IRAG1: variants seen among roughly 807,000 people sequenced by gnomAD.
IRAG1 encodes inositol 1,4,5-triphosphate receptor associated 1, also known as IP3R-associated cGMP kinase substrate.
A neutral mutation model predicts 106.2 loss-of-function variants in IRAG1; 62 were observed. The observed-to-expected ratio is 0.58, with a 90% confidence interval of 0.48 to 0.72. The LOEUF (loss-of-function observed/expected upper bound fraction) is 0.72, where lower values mean the gene tolerates loss of function less well. Among genes scored for constraint, IRAG1 ranks in the 30% least tolerant of loss-of-function variants. IRAG1 has a pLI of 0.00. For missense variants in IRAG1, 1,064 were observed against 1,140.7 expected, an observed-to-expected ratio of 0.93 and a Z score of 0.97; for synonymous variants, 462 against 443.9, an observed-to-expected ratio of 1.04 and a Z score of -0.51.
At position 10,665,689 on chromosome 11, in the gene IRAG1, C is replaced by CA. The variant is rs1372463069; in HGVS notation, c.68-13508_68-13507insT. On this transcript the variant is annotated intron_variant, in intron 1 of 20. Transcript: ENST00000423302. The surrounding 1 kb of genome is among the most constrained non-coding windows in gnomAD (Gnocchi z 4.2). ...AGCACCAGAGTTTAGGGTGGAGACT[C>CA]CCATGTGCAGGACAGGAAGGAAGCT... Among the ~76,000 whole-genome samples, 3 of 152,114 alleles carry CA rather than the reference C, an allele frequency of 2.0e-5. No individual in the cohort carries two copies. The highest frequency in any genetic ancestry group is 7.2e-5 in the African/African-American group (3 of 41,404).
intron 1 of IRAG1, among the ~76,000 whole-genome samples, chr11:10,655,746 C>T (rs575009022): frequency 6.6e-6 from 1 of 152,326 alleles, no homozygotes; most frequent in African/African-American, 2.4e-5. Flanking sequence ...AGAAATACCT[C>T]ATTTTTTAAC....
At chr11:10,693,498 G>A (rs1260357169) in intron 1 of IRAG1, 38 bp downstream of exon 1, 23 of 1,534,958 alleles carry the variant, frequency 1.5e-5, no homozygotes, top group South Asian at 3.6e-5. Flanking sequence ...CTTCCCAGCC[G>A]AAGAGGCAGG....
Position 10,575,745 on chromosome 11 carries a change from C to CTTTT in IRAG1, c.*583_*586dup, listed in dbSNP as rs67434222. Reference sequence around the variant, plus strand: ...AGCACTGAGCTAAATTCAGCCTATACTTTTTTTTTTTTTTCTGAGAAGCCT... The same window carrying CTTTT: ...AGCACTGAGCTAAATTCAGCCTATACTTTTTTTTTTTTTTTTTTCTGAGAAGCCT... On this transcript the variant is annotated 3_prime_UTR_variant, in exon 21 of 21. Transcript: ENST00000423302. 3 of 131,822 alleles carry CTTTT rather than the reference C, an allele frequency of 2.3e-5. No homozygotes were observed. The highest frequency in any genetic ancestry group is 7.4e-5 in the Admixed American group (1 of 13,482). 8.2% of individuals were successfully genotyped at this position (131,822 alleles called of 1,614,324 possible).
chr11:10,683,227 A>G (rs1861401907), intron 1 of IRAG1, among the ~76,000 whole-genome samples: 1 of 152,152 alleles, frequency 6.6e-6, no homozygotes, highest in African/African-American at 2.4e-5. Context: ...TAGCACCCTC[A>G]TGTATCCATT....
At chr11:10,646,442 T>C (rs572338208) in intron 2 of IRAG1, among the ~76,000 whole-genome samples, 5 of 152,278 alleles carry the variant, frequency 3.3e-5, no homozygotes, top group South Asian at 4.1e-4. Context: ...CAGCCAATTA[T>C]CTACCCAACC....
intron 1 of IRAG1, 166 bp downstream of exon 1, chr11:10,693,370 C>A: frequency 7.6e-7 from 1 of 1,307,416 alleles, no homozygotes; most frequent in Non-Finnish European, 1.0e-6. Context: ...CTTAAGACAG[C>A]AACAATAAAG....
chr11:10,638,578 A>C lies in IRAG1; in HGVS notation c.226-4507T>G, dbSNP rs1158745109. On this transcript the variant is annotated intron_variant, in intron 2 of 20. Coordinates refer to ENST00000423302, the MANE Select transcript of IRAG1 (RefSeq NM_130385.4). ...TCTGACTGTGAAAATTTGAGCTCTG[A>C]AAGTTGCCTTTTTCATGTCTGTCAT... 2.0e-5 allele frequency among the ~76,000 whole-genome samples: 3 copies of C among 152,330 alleles called. No individual in the cohort carries two copies. In the East Asian group the frequency reaches 5.8e-4, roughly 29 times the overall value.
intron 10 of IRAG1, among the ~76,000 whole-genome samples, chr11:10,615,770 C>T (rs1307728658): frequency 9.2e-5 from 14 of 151,612 alleles, no homozygotes; most frequent in Non-Finnish European, 1.9e-4. Context: ...CATCACACAC[C>T]GGGGCCTGTG....
intron 1 of IRAG1, chr11:10,687,928 A>G: frequency 2.5e-6 from 1 of 407,302 alleles, no homozygotes; most frequent in Non-Finnish European, 3.3e-6. Flanking sequence ...TTACAGGTCG[A>G]GCATTCCAAA....
intron 18 of IRAG1, chr11:10,588,962 T>A (rs1318222896): frequency 6.6e-6 from 1 of 152,234 alleles, no homozygotes; most frequent in Non-Finnish European, 1.5e-5. Context: ...TTGTTTTCTC[T>A]TCATCTTCAG....
chr11:10,618,408 T>C (rs906817525), intron 10 of IRAG1, among the ~76,000 whole-genome samples: 2 of 152,214 alleles, frequency 1.3e-5, no homozygotes, highest in Non-Finnish European at 2.9e-5. Flanking sequence ...GTTCATACAT[T>C]TGTTTAATGT....
Position 10,600,971 on chromosome 11 carries a change from A to G in IRAG1, c.1964T>C (p.Met655Thr). ...RTYEKDHAEL[M>T]EFKKLANQNS... ...CTGATTTGCAAGCTTTTTAAACTCC[A>G]TGAGCTCCGCATGGTCCTTCTCATA... Residue 655 changes from methionine to threonine, a missense_variant, in exon 15 of 21, where the codon ATG becomes ACG. Coordinates refer to ENST00000423302, the MANE Select transcript of IRAG1 (RefSeq NM_130385.4). 2 of 1,614,056 alleles carry G rather than the reference A, an allele frequency of 1.2e-6. No homozygotes were observed. The highest frequency in any genetic ancestry group is 1.1e-5 in the South Asian group (1 of 91,084).
At chr11:10,680,540 G>GAAGGGGAAGGAA (rs149163071) in intron 1 of IRAG1, among the ~76,000 whole-genome samples, 1 of 85,728 alleles carries the variant, frequency 1.2e-5, no homozygotes, top group African/African-American at 5.4e-5. Flanking sequence ...AGGAAGGAAG[G>GAAGGGGAAGGAA]GGAAGGGGAA....
intron 1 of IRAG1, 74 bp downstream of exon 1, chr11:10,693,462 C>A: frequency 6.5e-7 from 1 of 1,531,288 alleles, no homozygotes; most frequent in Non-Finnish European, 8.7e-7. Context: ...CACCCTGTAC[C>A]TTTAAGGAAG....
At position 10,622,573 on chromosome 11, in the gene IRAG1, C is replaced by T. The variant is rs556567989; in HGVS notation, c.1447+1205G>A. ...ACCCTAGAGTACAGTGGCACGATCA[C>T]AGTTCACTGCAGCCTTGACCTCCCA... On this transcript the variant is annotated intron_variant, in intron 10 of 20. Transcript: ENST00000423302. Among the ~76,000 whole-genome samples the T allele has an allele frequency of 5.9e-5, 9 of 152,272 alleles. No homozygotes were observed. In the East Asian group the frequency reaches 1.7e-3, roughly 29 times the overall value.
At chr11:10,673,896 C>T (rs968246413) in intron 1 of IRAG1, among the ~76,000 whole-genome samples, 1 of 151,520 alleles carries the variant, frequency 6.6e-6, no homozygotes. Flanking sequence ...AGGATGGGCT[C>T]GTGTGAGGAG....
intron 17 of IRAG1, 51 bp downstream of exon 17, chr11:10,593,441 G>T (rs55676441): frequency 0.013 from 19,304 of 1,527,276 alleles, 175 homozygotes; most frequent in Non-Finnish European, 0.014. Context: ...GAGTACGAAG[G>T]AAAGGTTATT....
chr11:10,642,916 G>A (rs1857625052), intron 2 of IRAG1, among the ~76,000 whole-genome samples: 1 of 151,984 alleles, frequency 6.6e-6, no homozygotes, highest in African/African-American at 2.4e-5. Flanking sequence ...TGTAATCCCA[G>A]CACTTTGGGA....
chr11:10,683,343 G>A (rs1589977078), intron 1 of IRAG1, among the ~76,000 whole-genome samples: 2 of 149,520 alleles, frequency 1.3e-5, no homozygotes, highest in East Asian at 3.9e-4. Context: ...ATGTGTATGC[G>A]GCTTAAAAGG....
Sources: gnomAD v4.1 joint callset for allele counts (sites outside exome capture counted in the v4.1 genomes callset) on GRCh38, gnomAD v4.1.1 for gene constraint, Gnocchi (gnomAD v3.1) non-coding constraint, MANE v1.5 for transcripts, NCBI Gene and HGNC (gene_info 2026-07-23, HGNC 2026-07-21) for gene names.